The following SNRNP40 variants were observed in gnomAD, a reference collection of about 807,000 sequenced individuals.
The protein encoded by SNRNP40 is small nuclear ribonucleoprotein U5 subunit 40.
In SNRNP40, 21 loss-of-function variants were observed where a neutral mutation model predicts 45.8. That is an observed-to-expected ratio of 0.46 (90% CI 0.32 to 0.66). SNRNP40 has a LOEUF of 0.66. Among genes scored for constraint, SNRNP40 ranks in the 30% least tolerant of loss-of-function variants. The probability of loss-of-function intolerance (pLI) is 0.03; values close to 1 mark genes in which losing one functional copy is unlikely to be tolerated. For missense variants in SNRNP40, 344 were observed against 439.1 expected (o/e 0.78, Z 1.94); for synonymous variants, 142 against 163.8 (o/e 0.87, Z 1.01).
intron 6 of SNRNP40, 131 bp from the exon 7 acceptor site, chr1:31,269,371 T>G: frequency 9.4e-6 from 14 of 1,493,230 alleles, no homozygotes; most frequent in Non-Finnish European, 1.2e-5. Context: ...AAAGTCCAAC[T>G]TGACATACTG....
rs199572790 is a variant in SNRNP40, at chr1:31,293,240, C to T, written c.250G>A (p.Ala84Thr). ...FHPNGSTLAS[A>T]GFDRLILLWN... ...TCACATATCAGTCGGTCAAATCCTG[C>T]AGATGCTAAGGTGGATCCGTTGGGG... The change falls in exon 2 of 10, where the codon GCA becomes ACA. Residue 84 changes from alanine to threonine, a missense_variant. Around this residue, in one of 2 missense-constraint regions of SNRNP40, gnomAD observed 254 missense variants for 380.2 expected, o/e 0.67. Transcript: ENST00000263694. 14 of 1,614,022 alleles carry T rather than the reference C, an allele frequency of 8.7e-6. No homozygotes were observed. Among genetic ancestry groups the T allele is most frequent in the African/African-American group, 1.3e-5 (1 of 75,030 alleles).
chr1:31,275,810 C>A (rs1023923032), intron 5 of SNRNP40, among the ~76,000 whole-genome samples: 2 of 152,194 alleles, frequency 1.3e-5, no homozygotes, highest in African/African-American at 4.8e-5. Context: ...ATTCTAGCAA[C>A]CTGGTTTCAA....
Position 31,267,895 on chromosome 1 carries a change from T to C in SNRNP40, c.896A>G (p.Lys299Arg). 6.2e-7 allele frequency: 1 copy of C among 1,613,514 alleles called. No individual in the cohort carries two copies. Among genetic ancestry groups the C allele is most frequent in the African/African-American group, 1.3e-5 (1 of 75,032 alleles). ...LRCSWSPDGS[K>R]IAAGSADRFV... ...CCTGTCGGCTGAGCCAGCTGCTATT[T>C]TGCTTCCATCAGGTGACCAAGAACA... is the stretch of plus-strand genomic sequence containing the variant. Residue 299 changes from lysine to arginine, a missense_variant, in exon 8 of 10, where the codon AAA becomes AGA. Lys to Arg is a conservative substitution (Grantham distance 26, BLOSUM62 2). Coordinates refer to ENST00000263694, the MANE Select transcript of SNRNP40 (RefSeq NM_004814.3).
chr1:31,278,427 C>CTGTA (rs1178529378), intron 5 of SNRNP40, among the ~76,000 whole-genome samples: 1 of 152,170 alleles, frequency 6.6e-6, no homozygotes, highest in East Asian at 1.9e-4. Context: ...ATTCTTATAA[C>CTGTA]TGTACACCAA....
intron 8 of SNRNP40, among the ~76,000 whole-genome samples, chr1:31,266,250 A>G (rs997963000): frequency 6.6e-6 from 1 of 152,126 alleles, no homozygotes; most frequent in African/African-American, 2.4e-5. Flanking sequence ...ATAGAGGAAA[A>G]CCCTGGAATA....
At chr1:31,276,818 AGG>A (rs1433205379) in intron 5 of SNRNP40, among the ~76,000 whole-genome samples, 1 of 152,170 alleles carries the variant, frequency 6.6e-6, no homozygotes, top group Non-Finnish European at 1.5e-5. Flanking sequence ...GGATCACCTG[AGG>A]TCAGGAGTTC....
intron 1 of SNRNP40, 83 bp downstream of exon 1, chr1:31,296,528 A>C: frequency 6.8e-7 from 1 of 1,479,464 alleles, no homozygotes; most frequent in Non-Finnish European, 9.1e-7. Flanking sequence ...GCAATGCGGG[A>C]AAGGGTCAGG....
intron 8 of SNRNP40, among the ~76,000 whole-genome samples, chr1:31,264,336 TG>T (rs1350386132): frequency 6.6e-6 from 1 of 152,218 alleles, no homozygotes; most frequent in Non-Finnish European, 1.5e-5. Flanking sequence ...CCCTTCCTAC[TG>T]TCTTCTTTCT....
intron 5 of SNRNP40, among the ~76,000 whole-genome samples, chr1:31,271,895 C>A (rs1266023430): frequency 6.6e-6 from 1 of 152,154 alleles, no homozygotes; most frequent in Non-Finnish European, 1.5e-5. Context: ...CTCATCCTCT[C>A]AGTATTTGGA....
chr1:31,263,649 C>A, intron 8 of SNRNP40: 1 of 454,916 alleles, frequency 2.2e-6, no homozygotes, highest in South Asian at 1.6e-5. Flanking sequence ...AAGACTGTGT[C>A]CCAAAGTAGT....
At chr1:31,289,027 G>A (rs1015301320) in intron 4 of SNRNP40, among the ~76,000 whole-genome samples, 3 of 152,182 alleles carry the variant, frequency 2.0e-5, no homozygotes, top group South Asian at 2.1e-4. Context: ...CACAGCACCC[G>A]GCCTATTTCA....
At chr1:31,293,396 G>A (rs1217580169) in intron 1 of SNRNP40, 48 bp from the exon 2 acceptor site, 1 of 1,536,188 alleles carries the variant, frequency 6.5e-7, no homozygotes, top group Non-Finnish European at 8.7e-7. Flanking sequence ...AGACAAAGGA[G>A]GCTACAAAAT....
chr1:31,262,106 G>A (rs886316179), intron 8 of SNRNP40, among the ~76,000 whole-genome samples: 4 of 152,200 alleles, frequency 2.6e-5, no homozygotes, highest in Admixed American at 2.6e-4. Context: ...GACAGGAAGT[G>A]TCTGGTATAT....
chr1:31,274,467 T>C (rs1645961220), intron 5 of SNRNP40, among the ~76,000 whole-genome samples: 1 of 151,922 alleles, frequency 6.6e-6, no homozygotes, highest in African/African-American at 2.4e-5. Context: ...GGTCTCGATC[T>C]CTTGACCTTG....
In SNRNP40 at chr1:31,291,953, T is replaced by C; in HGVS notation, c.325A>G (p.Ser109Gly). 2 of 1,613,580 alleles carry C rather than the reference T, an allele frequency of 1.2e-6. No individual in the cohort carries two copies. Among genetic ancestry groups the C allele is most frequent in the Non-Finnish European group, 8.5e-7 (1 of 1,179,456 alleles). ...TAATGCAATTCCATCACTGCTCCAC[T>C]GTGTCCCTTCAGTGTGGCATAGTTA... ...CDNYATLKGH[S>G]GAVMELHYNT... The change falls in exon 3 of 10, where the codon AGT becomes GGT. Residue 109 changes from serine to glycine, a missense_variant. Ser to Gly is a moderately conservative substitution (Grantham distance 56). Coordinates refer to ENST00000263694, the MANE Select transcript of SNRNP40 (RefSeq NM_004814.3).
intron 2 of SNRNP40, chr1:31,292,860 T>C (rs947743302): frequency 4.0e-6 from 1 of 247,798 alleles, no homozygotes; most frequent in Non-Finnish European, 7.9e-6. Context: ...AAGAGGACCT[T>C]ATACCTTTGG....
chr1:31,292,161 G>A (rs551088730), intron 2 of SNRNP40, among the ~76,000 whole-genome samples, 155 bp from the exon 3 acceptor site: 2 of 152,240 alleles, frequency 1.3e-5, no homozygotes, highest in South Asian at 2.1e-4. Flanking sequence ...TCAGGAGTTC[G>A]AGACCAGCGT....
Position 31,271,406 on chromosome 1 carries a change from G to C in SNRNP40, c.748C>G (p.Leu250Val). ...GTATTGTCCATTGCATTGGACAAAA[G>C]ATAAGAGCCTTCAGAACTTAAACTC... ...GLSLSSEGSY[L>V]LSNAMDNTVR... Residue 250 changes from leucine to valine, a missense_variant, in exon 6 of 10, where the codon CTT becomes GTT. Physicochemically the swap from Leu to Val is conservative, Grantham distance 32 (BLOSUM62 1). Coordinates refer to ENST00000263694, the MANE Select transcript of SNRNP40 (RefSeq NM_004814.3). 1.2e-6 allele frequency: 2 copies of C among 1,613,888 alleles called. No individual in the cohort carries two copies. The highest frequency in any genetic ancestry group is 1.7e-6 in the Non-Finnish European group (2 of 1,179,936).
At position 31,276,953 on chromosome 1, in the gene SNRNP40, G is replaced by T. The variant is rs564352205; in HGVS notation, c.654+4421C>A. Among the ~76,000 whole-genome samples, 3 of 152,166 alleles carry T rather than the reference G, an allele frequency of 2.0e-5. No homozygotes were observed. In the South Asian group the frequency reaches 6.2e-4, roughly 32 times the overall value. Reference sequence around the variant, plus strand: ...GGAGGCTGAGGCAGGAGAATCACTTGAGTCCGGGAGGTGGAGGTTGCAGTG... The same window carrying T: ...GGAGGCTGAGGCAGGAGAATCACTTTAGTCCGGGAGGTGGAGGTTGCAGTG... On this transcript the variant is annotated intron_variant, in intron 5 of 9. Transcript: ENST00000263694.
Sources: allele counts gnomAD v4.1 joint callset (sites outside exome capture counted in the v4.1 genomes callset), GRCh38; gene constraint gnomAD v4.1.1; regional missense constraint gnomAD v4.1.1; transcripts MANE v1.5; gene names NCBI Gene and HGNC (gene_info 2026-07-23, HGNC 2026-07-21).